KDM4C: variants seen among roughly 807,000 people sequenced by gnomAD.
KDM4C encodes the protein lysine demethylase 4C.
KDM4C carries 81 observed loss-of-function variants against 129.3 expected under a neutral mutation model. That is an observed-to-expected ratio of 0.63 (90% CI 0.52 to 0.75). The LOEUF is 0.75. Ranked by LOEUF, KDM4C falls within the 30% of genes least tolerant of loss-of-function variation. The pLI is 0.00. For missense variants in KDM4C, 1,457 were observed against 1,304.0 expected (o/e 1.12, Z -1.81); for synonymous variants, 573 against 456.1 (o/e 1.26, Z -3.26).
chr9:6,853,323 A>C (rs1237063837), intron 5 of KDM4C, among the ~76,000 whole-genome samples: 1 of 111,064 alleles, frequency 9.0e-6, no homozygotes, highest in Non-Finnish European at 1.6e-5. Flanking sequence ...CTGTTTCTAC[A>C]AAAAAAAAAA....
chr9:6,872,560 GGGTGCATATATATTTA>G (rs1842942643), intron 5 of KDM4C, among the ~76,000 whole-genome samples: 1 of 152,154 alleles, frequency 6.6e-6, no homozygotes, highest in Non-Finnish European at 1.5e-5. Context: ...CTCCTGTATT[GGGTGCATATATATTTA>G]GGAGTTCGCT....
chr9:6,883,592 A>G (rs773723680), intron 6 of KDM4C, among the ~76,000 whole-genome samples: 34 of 152,254 alleles, frequency 2.2e-4, no homozygotes, highest in African/African-American at 8.0e-4. Context: ...GCAATAATAC[A>G]TGAAATACAC....
chr9:6,912,247 C>T (rs1456107387), intron 8 of KDM4C, among the ~76,000 whole-genome samples: 1 of 152,156 alleles, frequency 6.6e-6, no homozygotes, highest in Non-Finnish European at 1.5e-5. Flanking sequence ...TTGAGCTGCT[C>T]CTCCCCAGAC....
At chr9:7,034,712 C>T (rs1564017940) in intron 15 of KDM4C, among the ~76,000 whole-genome samples, 1 of 152,286 alleles carries the variant, frequency 6.6e-6, no homozygotes, top group East Asian at 1.9e-4. Flanking sequence ...ATTGCTGTAT[C>T]ATGTGGTAGT....
chr9:7,101,633 A>G (rs1837103171), intron 17 of KDM4C, among the ~76,000 whole-genome samples: 1 of 152,208 alleles, frequency 6.6e-6, no homozygotes. Flanking sequence ...TAGGTTCCAA[A>G]GATTGAATCC....
chr9:7,114,750 C>T (rs141008839), intron 18 of KDM4C, among the ~76,000 whole-genome samples: 89 of 152,206 alleles, frequency 5.8e-4, no homozygotes, highest in South Asian at 3.9e-3. Flanking sequence ...CAGAGTGCAC[C>T]GTGGAACCAG....
At chr9:7,161,121 A>G (rs1843740522) in intron 19 of KDM4C, among the ~76,000 whole-genome samples, 1 of 152,182 alleles carries the variant, frequency 6.6e-6, no homozygotes, top group Admixed American at 6.5e-5. Context: ...CTCCATGGCC[A>G]CGGGACCCAC....
At chr9:7,050,146 G>A (rs1246677864) in intron 17 of KDM4C, among the ~76,000 whole-genome samples, 5 of 151,854 alleles carry the variant, frequency 3.3e-5, no homozygotes, top group Admixed American at 1.3e-4. Flanking sequence ...TTTTGTTTTC[G>A]GAGAAGTGAA....
chr9:7,004,474 A>G (rs1319925702), intron 12 of KDM4C, among the ~76,000 whole-genome samples: 1 of 152,150 alleles, frequency 6.6e-6, no homozygotes. Context: ...CCCATTTTTT[A>G]TTGATTATAT....
chr9:6,923,218 G>C (rs1261133397), intron 8 of KDM4C, among the ~76,000 whole-genome samples: 1 of 149,206 alleles, frequency 6.7e-6, no homozygotes, highest in Non-Finnish European at 1.5e-5. Flanking sequence ...CAAAGCATTG[G>C]AATCAGACAG....
intron 8 of KDM4C, among the ~76,000 whole-genome samples, chr9:6,951,141 C>G (rs1217464423): frequency 6.6e-6 from 1 of 151,594 alleles, no homozygotes; most frequent in Non-Finnish European, 1.5e-5. Context: ...ATTCACATAC[C>G]CATCATCTCA....
At chr9:7,056,093 A>G (rs932279945) in intron 17 of KDM4C, among the ~76,000 whole-genome samples, 2 of 152,208 alleles carry the variant, frequency 1.3e-5, no homozygotes, top group African/African-American at 2.4e-5. Context: ...ATAAACATTG[A>G]CAATGATGAG....
chr9:7,027,794 C>G (rs1000771690), intron 15 of KDM4C, among the ~76,000 whole-genome samples: 1 of 152,214 alleles, frequency 6.6e-6, no homozygotes, highest in African/African-American at 2.4e-5. Context: ...TGTGCTGGCA[C>G]TCAAACCAGA....
At chr9:6,847,374 A>G (rs1172795918) in intron 4 of KDM4C, among the ~76,000 whole-genome samples, 1 of 152,124 alleles carries the variant, frequency 6.6e-6, no homozygotes, top group Non-Finnish European at 1.5e-5. Flanking sequence ...ATGAGGTCTG[A>G]AAAGTTGGAA....
chr9:7,061,626 C>T (rs565148804), intron 17 of KDM4C, among the ~76,000 whole-genome samples: 15 of 152,288 alleles, frequency 9.8e-5, no homozygotes, highest in African/African-American at 2.6e-4. Context: ...GCTGTGGGCT[C>T]CTCAGAGCCC....
At chr9:7,157,131 C>T (rs1843267336) in intron 19 of KDM4C, among the ~76,000 whole-genome samples, 2 of 152,126 alleles carry the variant, frequency 1.3e-5, no homozygotes, top group Admixed American at 6.5e-5. Flanking sequence ...AATGGGAGTT[C>T]ACCCATGATT....
intron 17 of KDM4C, 69 bp from the exon 18 acceptor site, chr9:7,103,616 C>G (rs1837349396): frequency 1.4e-4 from 101 of 747,468 alleles, no homozygotes; most frequent in Middle Eastern, 3.4e-4. Flanking sequence ...AGCTATTGTT[C>G]TGTAAATTGT....
rs188217291 is a variant in KDM4C at position 6,920,594 on chromosome 9, G to T, written c.921+27362G>T. 6.6e-3 allele frequency among the ~76,000 whole-genome samples: 1,000 copies of T among 152,066 alleles called. 13 individuals are homozygous for T. Among genetic ancestry groups the T allele is most frequent in the African/African-American group, 0.023 (935 of 41,464 alleles). ...AATCAATATAAAGAAATAGAAACTT[G>T]TATATCATCCTGACAAAATAGGTTA... On this transcript the variant is annotated intron_variant, in intron 8 of 21. Coordinates refer to ENST00000381309, the MANE Select transcript of KDM4C (RefSeq NM_015061.6).
chr9:6,734,136 C>G (rs555801590), intron 1 of KDM4C, among the ~76,000 whole-genome samples: 58 of 152,194 alleles, frequency 3.8e-4, no homozygotes, highest in Non-Finnish European at 6.6e-4. Context: ...TGGTCTGGTT[C>G]AAATGCCTCT....
Sources: allele counts gnomAD v4.1 joint callset (sites outside exome capture counted in the v4.1 genomes callset), GRCh38; gene constraint gnomAD v4.1.1; transcripts MANE v1.5; gene names NCBI Gene and HGNC (gene_info 2026-07-23, HGNC 2026-07-21).